ESRRG: variants seen among roughly 807,000 people sequenced by gnomAD.
ESRRG encodes estrogen-related receptor gamma.
A neutral mutation model predicts 44.0 loss-of-function variants in ESRRG; 13 were observed. The ratio of observed to expected loss-of-function variants is 0.30; its 90% CI spans 0.19 to 0.47. ESRRG has a LOEUF of 0.47. Among genes scored for constraint, ESRRG ranks in the 20% least tolerant of loss-of-function variants. ESRRG has a pLI of 1.00. For missense variants in ESRRG, 395 were observed against 580.6 expected (o/e 0.68, Z 3.29); for synonymous variants, 215 against 214.6 (o/e 1.00, Z -0.02).
chr1:217,044,699 A>G (rs2084526390), intron 1 of ESRRG, among the ~76,000 whole-genome samples: 2 of 152,184 alleles, frequency 1.3e-5, no homozygotes, highest in South Asian at 4.1e-4. Flanking sequence ...TTTTTAAGAA[A>G]AAAACCAGCT....
intron 2 of ESRRG, among the ~76,000 whole-genome samples, chr1:216,676,159 A>T (rs12125944): frequency 0.21 from 32,493 of 152,094 alleles, 4,362 homozygotes; most frequent in Non-Finnish European, 0.3. Flanking sequence ...AGACCTAAAA[A>T]CGTGAAATCT....
chr1:216,794,270 T>C (rs549254023), intron 2 of ESRRG, among the ~76,000 whole-genome samples: 6 of 152,170 alleles, frequency 3.9e-5, no homozygotes, highest in Non-Finnish European at 7.3e-5. Flanking sequence ...TAGGGAGCAG[T>C]ATTTACACTC....
At chr1:216,928,470 C>T (rs765002595) in intron 2 of ESRRG, among the ~76,000 whole-genome samples, 20 of 152,148 alleles carry the variant, frequency 1.3e-4, no homozygotes, top group Non-Finnish European at 1.9e-4. Context: ...GCCTTCTTCA[C>T]GTCAAGACTG....
chr1:216,882,962 T>C (rs1403323145), intron 2 of ESRRG, among the ~76,000 whole-genome samples: 2 of 151,870 alleles, frequency 1.3e-5, no homozygotes, highest in Admixed American at 1.3e-4. Flanking sequence ...TCTAAAAGCA[T>C]AAGTCTATAT....
At chr1:216,538,629 C>T (rs920702069) in intron 5 of ESRRG, among the ~76,000 whole-genome samples, 1 of 152,012 alleles carries the variant, frequency 6.6e-6, no homozygotes, top group Non-Finnish European at 1.5e-5. Flanking sequence ...AATGCATCCC[C>T]TAGTTTAAAA....
chr1:216,931,835 C>CAAAAAAA (rs56050369), intron 2 of ESRRG, among the ~76,000 whole-genome samples: 23 of 130,942 alleles, frequency 1.8e-4, no homozygotes, highest in East Asian at 4.3e-4. Flanking sequence ...TGAGAAACCA[C>CAAAAAAA]AAAAAAAAAA....
At chr1:216,843,292 G>A (rs374811249) in intron 2 of ESRRG, among the ~76,000 whole-genome samples, 3 of 151,958 alleles carry the variant, frequency 2.0e-5, no homozygotes, top group African/African-American at 7.3e-5. Context: ...TTTCAAGATT[G>A]TGATTTTATT....
chr1:216,990,875 G>T (rs931004620), intron 1 of ESRRG, among the ~76,000 whole-genome samples: 2 of 152,142 alleles, frequency 1.3e-5, no homozygotes, highest in Non-Finnish European at 1.5e-5. Context: ...ACTCTGCATT[G>T]TTCTAGGGTC....
chr1:216,543,850 AT>A (rs961257741), intron 5 of ESRRG, among the ~76,000 whole-genome samples: 21 of 151,992 alleles, frequency 1.4e-4, no homozygotes, highest in African/African-American at 4.6e-4. Flanking sequence ...ATAAAATCTT[AT>A]TTTTTTGCAT....
At chr1:216,958,986 G>A (rs1561190) in intron 1 of ESRRG, among the ~76,000 whole-genome samples, 77,697 of 151,768 alleles carry the variant, frequency 0.51, 21,733 homozygotes, top group Middle Eastern at 0.7. Context: ...TATTTTTCCC[G>A]TAACACTTAC....
At chr1:216,973,244 G>A (rs2072087206) in intron 1 of ESRRG, among the ~76,000 whole-genome samples, 1 of 152,052 alleles carries the variant, frequency 6.6e-6, no homozygotes, top group South Asian at 2.1e-4. Context: ...CCACAGCCAT[G>A]ATACCGGCCT....
chr1:216,556,953 C>G (rs1437921305), intron 5 of ESRRG, among the ~76,000 whole-genome samples: 1 of 152,152 alleles, frequency 6.6e-6, no homozygotes, highest in African/African-American at 2.4e-5. Context: ...AGTGGTAGAG[C>G]TAACATTTTT....
intron 3 of ESRRG, among the ~76,000 whole-genome samples, chr1:216,568,606 T>C (rs1426239736): frequency 6.6e-6 from 1 of 152,194 alleles, no homozygotes; most frequent in Non-Finnish European, 1.5e-5. Flanking sequence ...AGAATTACAC[T>C]ACACAGATTC....
intron 3 of ESRRG, among the ~76,000 whole-genome samples, chr1:216,650,274 C>G (rs1343669012): frequency 2.0e-5 from 3 of 152,120 alleles, no homozygotes; most frequent in Non-Finnish European, 4.4e-5. Context: ...AACTTTTTAT[C>G]CATCTCCAAG....
intron 1 of ESRRG, among the ~76,000 whole-genome samples, chr1:217,058,651 CTAGTAT>C (rs2151320257): frequency 6.6e-6 from 1 of 152,116 alleles, no homozygotes; most frequent in Non-Finnish European, 1.5e-5. Context: ...CACATTAGTA[CTAGTAT>C]TAGTATTGTC....
At chr1:216,963,465 G>T (rs1228856938) in intron 1 of ESRRG, among the ~76,000 whole-genome samples, 1 of 152,080 alleles carries the variant, frequency 6.6e-6, no homozygotes, top group Non-Finnish European at 1.5e-5. Flanking sequence ...CTAAAGACAG[G>T]CTTAAACCAT....
intron 2 of ESRRG, among the ~76,000 whole-genome samples, chr1:216,924,422 G>A (rs1055699610): frequency 1.3e-5 from 2 of 152,070 alleles, no homozygotes; most frequent in African/African-American, 4.8e-5. Flanking sequence ...CGAGACCAAA[G>A]GGTCCAATTC....
At chr1:216,721,517 C>G (rs1037855064) in intron 1 of ESRRG, among the ~76,000 whole-genome samples, 1 of 152,156 alleles carries the variant, frequency 6.6e-6, no homozygotes, top group African/African-American at 2.4e-5. Context: ...CAAAAGAAAG[C>G]TAGTTTGAAT....
intron 1 of ESRRG, among the ~76,000 whole-genome samples, chr1:216,691,950 G>C (rs1407457515): frequency 6.6e-6 from 1 of 152,114 alleles, no homozygotes; most frequent in Non-Finnish European, 1.5e-5. Flanking sequence ...GGTGATGCTG[G>C]TGTAAACAAA....
Sources: allele counts gnomAD v4.1 joint callset (sites outside exome capture counted in the v4.1 genomes callset), GRCh38; gene constraint gnomAD v4.1.1; transcripts MANE v1.5; gene names NCBI Gene and HGNC (gene_info 2026-07-23, HGNC 2026-07-21).